ABCC2: variants seen among roughly 807,000 people sequenced by gnomAD.
The protein encoded by ABCC2 is ATP-binding cassette sub-family C member 2.
A neutral mutation model predicts 173.4 loss-of-function variants in ABCC2; 157 were observed. That is an observed-to-expected ratio of 0.91 (90% CI 0.80 to 1.03). ABCC2 has a LOEUF of 1.03. Ranked by LOEUF, ABCC2 falls within the 50% of genes least tolerant of loss-of-function variation. ABCC2 has a pLI of 0.00. For missense variants in ABCC2, 1,822 were observed against 1,852.3 expected (o/e 0.98, Z 0.30); for synonymous variants, 657 against 693.5 (o/e 0.95, Z 0.83).
chr10:99,851,083 A>T (rs2039082637), intron 31 of ABCC2, among the ~76,000 whole-genome samples: 1 of 152,232 alleles, frequency 6.6e-6, no homozygotes, highest in African/African-American at 2.4e-5. Flanking sequence ...TGAGAGGCAG[A>T]TGTTGACCAT....
At position 99,794,416 on chromosome 10, in the gene ABCC2, C is replaced by T; in HGVS notation, c.580C>T (p.Pro194Ser). Residue 194 changes from proline (P) to serine (S), a missense_variant, in exon 6 of 32, where the codon CCA becomes TCA. Pro to Ser is a moderately conservative substitution (Grantham distance 74). Coordinates refer to ENST00000647814, the MANE Select transcript of ABCC2 (RefSeq NM_000392.5). ...TCGATTTTTTTGTGTCTTTCAGAAT[C>T]CATCATCCATAGCTTCATTCCTGAG... Reference protein sequence around the residue: ...FSENNESSNNPSSIASFLSSI... With the variant: ...FSENNESSNNSSSIASFLSSI... 6.2e-7 allele frequency: 1 copy of T among 1,613,844 alleles called. No homozygotes were observed. Among genetic ancestry groups the T allele is most frequent in the South Asian group, 1.1e-5 (1 of 91,068 alleles).
chr10:99,799,175 C>T, intron 7 of ABCC2, 32 bp from the exon 8 acceptor site: 1 of 1,613,248 alleles, frequency 6.2e-7, no homozygotes, highest in Admixed American at 1.7e-5. Flanking sequence ...AGACATAACT[C>T]TGTGGACACT....
intron 11 of ABCC2, 30 bp from the exon 12 acceptor site, chr10:99,807,354 T>A (rs1477477116): frequency 2.5e-6 from 4 of 1,613,948 alleles, no homozygotes; most frequent in Non-Finnish European, 3.4e-6. Context: ...GGGGCAATCA[T>A]GTGAGCTGTA....
At chr10:99,788,448 A>G (rs1248125349) in intron 2 of ABCC2, 1 of 152,190 alleles carries the variant, frequency 6.6e-6, no homozygotes. Context: ...GAAAACCAGT[A>G]TATCAAGGCA....
At chr10:99,841,549 T>C (rs1300595284) in intron 25 of ABCC2, among the ~76,000 whole-genome samples, 1 of 152,092 alleles carries the variant, frequency 6.6e-6, no homozygotes, top group East Asian at 1.9e-4. Context: ...AGCAAGACCT[T>C]GTCTCATAAA....
chr10:99,834,788 G>GC (rs1396344499), intron 24 of ABCC2, among the ~76,000 whole-genome samples: 1 of 152,208 alleles, frequency 6.6e-6, no homozygotes, highest in African/African-American at 2.4e-5. Flanking sequence ...CTCCCTGGAA[G>GC]CTTAGGTCGG....
Position 99,793,934 on chromosome 10 carries a change from TC to T in ABCC2, c.513del (p.Tyr172ThrfsTer6), listed in dbSNP as rs748840439. On this transcript the variant is annotated frameshift_variant, in exon 5 of 32. Transcript: ENST00000647814. LOFTEE classifies it high-confidence loss of function. ...NLAYSCLFFISYGFQILILIF... is the reference protein window; with the variant it reads ...NLAYSCLFFIXYGFQILILIF... ...AGCCTACTCCTGCCTGTTCTTCATC[TC>T]CTACGGATTCCAGATCCTGATCCTG... is the stretch of plus-strand genomic sequence containing the variant. 5 of 1,613,914 alleles carry T rather than the reference TC, an allele frequency of 3.1e-6. No individual in the cohort carries two copies. In the Admixed American group the frequency reaches 5.0e-5, roughly 16 times the overall value.
chr10:99,822,530 C>G (rs1301560530), intron 19 of ABCC2, among the ~76,000 whole-genome samples: 1 of 151,824 alleles, frequency 6.6e-6, no homozygotes, highest in East Asian at 1.9e-4. Context: ...CTGATTTTCT[C>G]CTGGTGAAAC....
chr10:99,793,855 A>G, intron 4 of ABCC2, 37 bp from the exon 5 acceptor site: 1 of 1,592,404 alleles, frequency 6.3e-7, no homozygotes, highest in East Asian at 2.2e-5. Context: ...CCTTTGGACA[A>G]AAGGCTCATT....
rs754282139 is a variant in ABCC2 at position 99,793,553 on chromosome 10, C to T, written c.336C>T (p.Leu112=). ...TNPSLYLGTW[L]LVLLIQYSRQ... is the part of the protein sequence containing the mutation. ...ACATCATGTGAATTTCTCTCCAGCT[C>T]CTGGTTTTGCTGATCCAATACAGCA... The change falls in exon 4 of 32, where the codon CTC becomes CTT. Residue 112 remains leucine, a splice_region_variant and synonymous_variant. Coordinates refer to ENST00000647814, the MANE Select transcript of ABCC2 (RefSeq NM_000392.5). The T allele has an allele frequency of 6.2e-7, 1 of 1,614,106 alleles. No individual in the cohort carries two copies. Among genetic ancestry groups the T allele is most frequent in the Non-Finnish European group, 8.5e-7 (1 of 1,179,990 alleles).
intron 31 of ABCC2, among the ~76,000 whole-genome samples, chr10:99,851,297 C>T (rs958875973): frequency 7.9e-5 from 12 of 152,178 alleles, no homozygotes. Flanking sequence ...ACTCATACTG[C>T]CTGTATTCTT....
chr10:99,809,289 G>T (rs764866782), intron 13 of ABCC2, among the ~76,000 whole-genome samples: 1 of 152,160 alleles, frequency 6.6e-6, no homozygotes, highest in African/African-American at 2.4e-5. Context: ...GGAGGTGGAG[G>T]TTGCAGTGAG....
rs1259294944 is a variant in ABCC2 at position 99,850,706 on chromosome 10, AC to A, written c.4420del (p.Leu1474SerfsTer15). The stretch of plus-strand genomic sequence containing the variant: ...GCTGCGGTGGATCTAGAGACAGACA[AC>A]CTCATTCAGACGACCATCCAAAACG... Reference protein sequence around the residue: ...ATAAVDLETDNLIQTTIQNEF... With the variant: ...ATAAVDLETDXLIQTTIQNEF... On this transcript the variant is annotated frameshift_variant, in exon 31 of 32. Transcript: ENST00000647814. LOFTEE classifies it high-confidence loss of function. 6.2e-7 allele frequency: 1 copy of A among 1,614,056 alleles called. No homozygotes were observed. Among genetic ancestry groups the A allele is most frequent in the Non-Finnish European group, 8.5e-7 (1 of 1,180,046 alleles).
rs567032072 is a variant in ABCC2 at position 99,802,891 on chromosome 10, G to A, written c.1210-1128G>A. ...CAGCCTCCTGACCTCTCTAACATGA[G>A]AACAGGAAGCCCATACTACAAGATC... On this transcript the variant is annotated intron_variant, in intron 9 of 31. Transcript: ENST00000647814. Among the ~76,000 whole-genome samples the A allele has an allele frequency of 2.6e-5, 4 of 152,288 alleles. No individual in the cohort carries two copies. The East Asian group carries it at 7.7e-4, about 29-fold the overall frequency.
At chr10:99,814,376 C>CAT (rs2038316774) in intron 16 of ABCC2, among the ~76,000 whole-genome samples, 1 of 22,542 alleles carries the variant, frequency 4.4e-5, no homozygotes, top group Non-Finnish European at 1.0e-4. Flanking sequence ...TGTATATATA[C>CAT]ACATATATAC....
At chr10:99,849,022 C>T (rs911853052) in intron 30 of ABCC2, among the ~76,000 whole-genome samples, 24 of 152,094 alleles carry the variant, frequency 1.6e-4, no homozygotes, top group Non-Finnish European at 3.1e-4. Context: ...GTCGGGAGCT[C>T]GAGACCAGCC....
At chr10:99,794,683 T>A in intron 6 of ABCC2, 1 of 519,658 alleles carries the variant, frequency 1.9e-6, no homozygotes, top group Non-Finnish European at 3.4e-6. Context: ...TAGCTGGGAT[T>A]ACAGGTGTGA....
rs1302243850 is a variant in ABCC2, at chr10:99,819,135, A to T, written c.2486A>T (p.Asp829Val). 1 of 1,614,194 alleles carries T rather than the reference A, an allele frequency of 6.2e-7. No homozygotes were observed. Among genetic ancestry groups the T allele is most frequent in the South Asian group, 1.1e-5 (1 of 91,086 alleles). ...THSMHFLPQV[D>V]EIVVLGNGTI... is the part of the protein sequence containing the mutation. ...AGCATGCACTTTCTTCCTCAAGTGG[A>T]TGAGATTGTAGTTCTGGGGAATGGA... Residue 829 changes from aspartate to valine, a missense_variant, in exon 19 of 32, where the codon GAT becomes GTT. Asp to Val is a radical substitution (Grantham distance 152). Coordinates refer to ENST00000647814, the MANE Select transcript of ABCC2 (RefSeq NM_000392.5).
intron 30 of ABCC2, among the ~76,000 whole-genome samples, chr10:99,849,769 A>C (rs1479139959): frequency 6.6e-6 from 1 of 152,204 alleles, no homozygotes; most frequent in African/African-American, 2.4e-5. Flanking sequence ...TCTCCTGCAG[A>C]AATTTTCTTA....
Sources: allele counts gnomAD v4.1 joint callset (sites outside exome capture counted in the v4.1 genomes callset), GRCh38; gene constraint gnomAD v4.1.1; transcripts MANE v1.5; gene names NCBI Gene and HGNC (gene_info 2026-07-23, HGNC 2026-07-21).